The following HOMEZ variants were observed in gnomAD, a reference collection of about 807,000 sequenced individuals.
The protein encoded by HOMEZ is homeobox and leucine zipper protein Homez.
A neutral mutation model predicts 50.1 loss-of-function variants in HOMEZ; 20 were observed. The ratio of observed to expected loss-of-function variants is 0.40; its 90% CI spans 0.28 to 0.58. The LOEUF (loss-of-function observed/expected upper bound fraction) is 0.58, where lower values mean the gene tolerates loss of function less well. HOMEZ is among the 20% of genes least tolerant of loss of function. The pLI is 0.46. For missense variants in HOMEZ, 579 were observed against 680.5 expected, an observed-to-expected ratio of 0.85 and a Z score of 1.66; for synonymous variants, 239 against 254.7, an observed-to-expected ratio of 0.94 and a Z score of 0.59.
chr14:23,275,516 AAC>A lies in HOMEZ; in HGVS notation c.*57_*58del. On this transcript the variant is annotated 3_prime_UTR_variant, in exon 2 of 2. Transcript: ENST00000357460. ...TTTAAAAATGTGGTTTCTTTGTTTA[AAC>A]AGTTACTAAGTTGGTTCATCTTTCA... 1 of 1,478,710 alleles carries A rather than the reference AAC, an allele frequency of 6.8e-7. No homozygotes were observed. Among genetic ancestry groups the A allele is most frequent in the East Asian group, 2.5e-5 (1 of 40,370 alleles). The allele number at this position is 1,478,710 out of a possible 1,614,324, so 91.6% of individuals were successfully genotyped here.
intron 1 of HOMEZ, among the ~76,000 whole-genome samples, chr14:23,278,776 A>G (rs533466969): frequency 1.3e-5 from 2 of 152,266 alleles, no homozygotes; most frequent in Middle Eastern, 6.8e-3. Context: ...CCTGGGTTCA[A>G]GTGATTCTTG....
At chr14:23,281,222 T>C (rs937003906) in intron 1 of HOMEZ, among the ~76,000 whole-genome samples, 1 of 152,140 alleles carries the variant, frequency 6.6e-6, no homozygotes, top group Non-Finnish European at 1.5e-5. Flanking sequence ...TTTTTAAAAT[T>C]CAGAAGCATT....
chr14:23,283,827 G>A (rs1313238098), intron 1 of HOMEZ, among the ~76,000 whole-genome samples: 2 of 152,132 alleles, frequency 1.3e-5, no homozygotes, highest in African/African-American at 2.4e-5. Flanking sequence ...CCTGGGGGGC[G>A]GACGTTGCAG....
chr14:23,284,534 C>T (rs1886621155), intron 1 of HOMEZ, among the ~76,000 whole-genome samples: 2 of 152,156 alleles, frequency 1.3e-5, no homozygotes, highest in South Asian at 2.1e-4. Flanking sequence ...TGATTACAAA[C>T]CTGCTTATGT....
Position 23,272,622 on chromosome 14 carries a change from C to T in HOMEZ, c.*2953G>A, listed in dbSNP as rs561494945. The T allele has an allele frequency of 1.7e-6, 1 of 592,034 alleles. No individual in the cohort carries two copies. Among genetic ancestry groups the T allele is most frequent in the African/African-American group, 1.9e-5 (1 of 53,010 alleles). The allele number at this position is 592,034 out of a possible 1,614,324, so 36.7% of individuals were successfully genotyped here. On this transcript the variant is annotated 3_prime_UTR_variant, in exon 2 of 2. Transcript: ENST00000357460. ...TCCTTATTATTATCACCATAAGCTA[C>T]TGAAATGTTCCAGAGATTGTCACAC...
chr14:23,275,238 C>A lies in HOMEZ; in HGVS notation c.*337G>T. 4.0e-6 allele frequency: 1 copy of A among 250,038 alleles called. No individual in the cohort carries two copies. The highest frequency in any genetic ancestry group is 1.4e-4 in the South Asian group (1 of 7,368). 15.5% of individuals were successfully genotyped at this position (250,038 alleles called of 1,614,324 possible). A position where few individuals can be genotyped will look rare whatever the true frequency, so the allele number is the denominator to read the frequency against. ...AATCCTCCTGGAGAGGTGGTGCCAA[C>A]ATCTGGCCTCTGTATAGTACACCAA... On this transcript the variant is annotated 3_prime_UTR_variant, in exon 2 of 2. Coordinates refer to ENST00000357460, the MANE Select transcript of HOMEZ (RefSeq NM_020834.3).
rs550797425 is a variant in HOMEZ at position 23,277,235 on chromosome 14, C to T, written c.41-48G>A. ...TCAATCACTGGGTCTCCTCTTCTGA[C>T]ACACTGCTCAATTTCTACCAAACTA... On this transcript the variant is annotated intron_variant, in intron 1 of 1. Coordinates refer to ENST00000357460, the MANE Select transcript of HOMEZ (RefSeq NM_020834.3). 3 of 1,453,878 alleles carry T rather than the reference C, an allele frequency of 2.1e-6. No homozygotes were observed. The South Asian group carries it at 4.2e-5, about 21-fold the overall frequency. 90.1% of individuals were successfully genotyped at this position (1,453,878 alleles called of 1,614,324 possible).
Position 23,276,109 on chromosome 14 carries a change from G to A in HOMEZ, c.1119C>T (p.Ser373=). 6.2e-7 allele frequency: 1 copy of A among 1,613,950 alleles called. No individual in the cohort carries two copies. The highest frequency in any genetic ancestry group is 8.5e-7 in the Non-Finnish European group (1 of 1,179,876). ...GTGCCCACTGGCACTGTAAAAAAAA[G>A]GATTTAAGGATAGCCAGCTGCTCTT... ...KTKEQLAILK[S]FFLQCQWARR... The change falls in exon 2 of 2, where the codon TCC becomes TCT. Residue 373 remains serine, a synonymous_variant. Coordinates refer to ENST00000357460, the MANE Select transcript of HOMEZ (RefSeq NM_020834.3). The surrounding 1 kb of genome is among the most constrained non-coding windows in gnomAD (Gnocchi z 4.1).
chr14:23,276,791 C>T lies in HOMEZ; in HGVS notation c.437G>A (p.Gly146Glu). 7 of 1,614,034 alleles carry T rather than the reference C, an allele frequency of 4.3e-6. No homozygotes were observed. Among genetic ancestry groups the T allele is most frequent in the Non-Finnish European group, 5.9e-6 (7 of 1,179,892 alleles). The change falls in exon 2 of 2, where the codon GGA becomes GAA. Residue 146 changes from glycine (G) to glutamate (E), a missense_variant. By Grantham distance (98) the Gly-to-Glu change is moderately conservative. Coordinates refer to ENST00000357460, the MANE Select transcript of HOMEZ (RefSeq NM_020834.3). The surrounding 1 kb of genome is among the most constrained non-coding windows in gnomAD (Gnocchi z 4.1). Reference sequence around the variant, plus strand: ...AGGAGGCACCTCCTCTGGGGGCCGTCCCGCATGATGAGTAAAAGAGAGAAG... The same window carrying T: ...AGGAGGCACCTCCTCTGGGGGCCGTTCCGCATGATGAGTAAAAGAGAGAAG... ...KSLLSFTHHA[G>E]RPPEEVPPPP...
At chr14:23,282,151 C>T (rs987251874) in intron 1 of HOMEZ, among the ~76,000 whole-genome samples, 1 of 152,036 alleles carries the variant, frequency 6.6e-6, no homozygotes, top group Non-Finnish European at 1.5e-5. Flanking sequence ...AAGTAATGCT[C>T]CTCCTAGACA....
intron 1 of HOMEZ, among the ~76,000 whole-genome samples, chr14:23,283,981 C>T (rs1886609605): frequency 6.6e-6 from 1 of 152,116 alleles, no homozygotes; most frequent in African/African-American, 2.4e-5. Context: ...TGAAGCACTC[C>T]TGAAATGTGT....
intron 1 of HOMEZ, chr14:23,285,698 C>A (rs1023180847): frequency 2.8e-5 from 11 of 398,042 alleles, no homozygotes; most frequent in African/African-American, 2.3e-4. Context: ...GCCAAGGGCG[C>A]CCCAACCCAA....
At chr14:23,282,940 TG>T (rs1388164756) in intron 1 of HOMEZ, among the ~76,000 whole-genome samples, 1 of 152,232 alleles carries the variant, frequency 6.6e-6, no homozygotes, top group African/African-American at 2.4e-5. Context: ...GGTACTTCCC[TG>T]GAAGAATCTG....
Position 23,275,536 on chromosome 14 carries a change from A to G in HOMEZ, c.*39T>C, listed in dbSNP as rs1373686336. The G allele has an allele frequency of 6.6e-7, 1 of 1,504,110 alleles. No individual in the cohort carries two copies. Among genetic ancestry groups the G allele is most frequent in the Non-Finnish European group, 8.9e-7 (1 of 1,125,118 alleles). 93.2% of individuals were successfully genotyped at this position (1,504,110 alleles called of 1,614,324 possible). ...GTTTAAACAGTTACTAAGTTGGTTC[A>G]TCTTTCAGTAACAGACCTCCCCTCC... is the stretch of plus-strand genomic sequence containing the variant. On this transcript the variant is annotated 3_prime_UTR_variant, in exon 2 of 2. Transcript: ENST00000357460.
chr14:23,283,400 G>GA (rs369891801), intron 1 of HOMEZ, among the ~76,000 whole-genome samples: 40 of 150,628 alleles, frequency 2.7e-4, no homozygotes, highest in African/African-American at 8.5e-4. Context: ...TTTAAAAATT[G>GA]AAAAAAAAAT....
chr14:23,276,993 A>G lies in HOMEZ; in HGVS notation c.235T>C (p.Tyr79His). Residue 79 changes from tyrosine (Y) to histidine (H), a missense_variant, in exon 2 of 2, where the codon TAT becomes CAT. By Grantham distance (83) the Tyr-to-His change is moderately conservative. Coordinates refer to ENST00000357460, the MANE Select transcript of HOMEZ (RefSeq NM_020834.3). The surrounding 1 kb of genome is among the most constrained non-coding windows in gnomAD (Gnocchi z 4.1). ...HLLKTFSYFP[Y>H]PSLADIALLC... Reference sequence around the variant, plus strand: ...AGGGCAATGTCTGCTAGGCTGGGATAGGGAAAGTAGCTGAAGGTTTTGAGC... The same window carrying G: ...AGGGCAATGTCTGCTAGGCTGGGATGGGGAAAGTAGCTGAAGGTTTTGAGC... The G allele has an allele frequency of 6.2e-7, 1 of 1,614,054 alleles. No homozygotes were observed. The highest frequency in any genetic ancestry group is 1.7e-5 in the Admixed American group (1 of 60,024).
At chr14:23,278,152 A>G (rs1886410348) in intron 1 of HOMEZ, among the ~76,000 whole-genome samples, 1 of 146,042 alleles carries the variant, frequency 6.8e-6, no homozygotes. Context: ...TTAAAGAGAT[A>G]ATATTGCTCT....
chr14:23,278,818 G>A (rs1886424074), intron 1 of HOMEZ, among the ~76,000 whole-genome samples: 1 of 150,856 alleles, frequency 6.6e-6, no homozygotes. Flanking sequence ...TGGGACTACA[G>A]GCGTGTGCCA....
Position 23,275,411 on chromosome 14 carries a change from C to G in HOMEZ, c.*164G>C. The stretch of plus-strand genomic sequence containing the variant: ...TTACTTAGTGCCCTATGGTCATTCT[C>G]CCTGGTCCACCCTCACTATATCCCC... On this transcript the variant is annotated 3_prime_UTR_variant, in exon 2 of 2. Transcript: ENST00000357460. The G allele has an allele frequency of 1.2e-6, 1 of 814,066 alleles. No individual in the cohort carries two copies. Among genetic ancestry groups the G allele is most frequent in the Non-Finnish European group, 1.9e-6 (1 of 530,482 alleles). The allele number at this position is 814,066 out of a possible 1,614,324, so 50.4% of individuals were successfully genotyped here. A position where few individuals can be genotyped will look rare whatever the true frequency, so the allele number is the denominator to read the frequency against.
Sources: allele counts gnomAD v4.1 joint callset (sites outside exome capture counted in the v4.1 genomes callset), GRCh38; gene constraint gnomAD v4.1.1; non-coding constraint Gnocchi (gnomAD v3.1); transcripts MANE v1.5; gene names NCBI Gene and HGNC (gene_info 2026-07-23, HGNC 2026-07-21).